The following INSYN2B variants were observed in gnomAD, a reference collection of about 807,000 sequenced individuals.
INSYN2B encodes inhibitory synaptic factor family member 2B.
INSYN2B carries 16 observed loss-of-function variants against 41.2 expected under a neutral mutation model. The observed-to-expected ratio is 0.39, with a 90% confidence interval of 0.26 to 0.59. The LOEUF is 0.59. Ranked by LOEUF, INSYN2B falls within the 20% of genes least tolerant of loss-of-function variation. The probability of loss-of-function intolerance (pLI) is 0.57; values close to 1 mark genes in which losing one functional copy is unlikely to be tolerated. For missense variants in INSYN2B, 608 were observed against 646.4 expected (o/e 0.94, Z 0.64); for synonymous variants, 245 against 244.4 (o/e 1.00, Z -0.02).
At chr5:169,938,377 C>T (rs910349834) in intron 1 of INSYN2B, among the ~76,000 whole-genome samples, 2 of 152,112 alleles carry the variant, frequency 1.3e-5, no homozygotes, top group African/African-American at 4.8e-5. Flanking sequence ...TGTACTCACA[C>T]GAAGCTAGAT....
intron 1 of INSYN2B, among the ~76,000 whole-genome samples, chr5:169,888,756 A>G (rs1773119304): frequency 6.6e-6 from 1 of 152,232 alleles, no homozygotes; most frequent in South Asian, 2.1e-4. Context: ...ATTAAATGAA[A>G]TAATCTATAT....
chr5:169,912,616 A>AGTATAT (rs1554116693), intron 1 of INSYN2B, among the ~76,000 whole-genome samples: 4 of 122,682 alleles, frequency 3.3e-5, no homozygotes, highest in Non-Finnish European at 6.6e-5. Flanking sequence ...TGTGTGGTGG[A>AGTATAT]GTGTATGTGT....
chr5:169,976,610 G>A (rs985701037), intron 1 of INSYN2B, among the ~76,000 whole-genome samples: 1 of 152,222 alleles, frequency 6.6e-6, no homozygotes, highest in African/African-American at 2.4e-5. Flanking sequence ...AAAATTTAAA[G>A]TGATTTCACA....
At chr5:169,880,618 AT>A (rs1190088856) in intron 3 of INSYN2B, among the ~76,000 whole-genome samples, 3 of 152,210 alleles carry the variant, frequency 2.0e-5, no homozygotes, top group African/African-American at 7.2e-5. Flanking sequence ...AAACCCTTGC[AT>A]TTGTTCAGAG....
At chr5:169,926,254 C>T (rs556958762) in intron 1 of INSYN2B, among the ~76,000 whole-genome samples, 17 of 152,330 alleles carry the variant, frequency 1.1e-4, no homozygotes, top group Non-Finnish European at 1.9e-4. Context: ...GATTGTCTCT[C>T]ACCTGCCACC....
intron 1 of INSYN2B, among the ~76,000 whole-genome samples, chr5:169,903,329 AG>A (rs1309423895): frequency 2.8e-5 from 4 of 144,404 alleles, no homozygotes; most frequent in African/African-American, 1.0e-4. Context: ...AAAAAAAAAA[AG>A]GAAAAGGAAA....
At chr5:169,979,147 C>G (rs776818108) in intron 1 of INSYN2B, among the ~76,000 whole-genome samples, 1 of 152,120 alleles carries the variant, frequency 6.6e-6, no homozygotes, top group Non-Finnish European at 1.5e-5. Flanking sequence ...TGCAAGGGGT[C>G]CCTCCACCCC....
chr5:169,894,692 C>T (rs920397385), intron 1 of INSYN2B, among the ~76,000 whole-genome samples: 11 of 152,128 alleles, frequency 7.2e-5, no homozygotes, highest in African/African-American at 2.4e-4. Context: ...GAGTAAACAG[C>T]GTGCCCAGCA....
intron 1 of INSYN2B, among the ~76,000 whole-genome samples, chr5:169,951,545 C>A (rs1038061844): frequency 2.0e-5 from 3 of 152,190 alleles, no homozygotes; most frequent in African/African-American, 4.8e-5. Flanking sequence ...GACATGGACA[C>A]CTGCCTTGGA....
chr5:169,968,808 T>C (rs961192032), intron 1 of INSYN2B, among the ~76,000 whole-genome samples: 1 of 152,104 alleles, frequency 6.6e-6, no homozygotes, highest in Non-Finnish European at 1.5e-5. Context: ...AACACAAAGA[T>C]GGACTGCCCT....
chr5:169,866,072 T>G (rs1215407979), intron 3 of INSYN2B, among the ~76,000 whole-genome samples: 1 of 140,658 alleles, frequency 7.1e-6, no homozygotes, highest in Non-Finnish European at 1.5e-5. Flanking sequence ...GATGGGTTGT[T>G]GCAGGGCTGA....
At chr5:169,880,446 A>G (rs1302835371) in intron 3 of INSYN2B, among the ~76,000 whole-genome samples, 6 of 152,262 alleles carry the variant, frequency 3.9e-5, no homozygotes, top group Non-Finnish European at 8.8e-5. Flanking sequence ...GCCAGTTTTC[A>G]ACAAAAAGAG....
chr5:169,922,287 C>T (rs926715804), intron 1 of INSYN2B, among the ~76,000 whole-genome samples: 3 of 152,136 alleles, frequency 2.0e-5, no homozygotes, highest in Non-Finnish European at 4.4e-5. Flanking sequence ...GATGAAGGCT[C>T]AGAGAAGATG....
chr5:169,964,875 T>A (rs1178298005), intron 1 of INSYN2B, among the ~76,000 whole-genome samples: 3 of 152,244 alleles, frequency 2.0e-5, no homozygotes, highest in African/African-American at 7.2e-5. Context: ...TTAGCTAGTA[T>A]CTGGCACATA....
At chr5:169,866,373 T>C (rs1325881157) in intron 3 of INSYN2B, among the ~76,000 whole-genome samples, 1 of 152,212 alleles carries the variant, frequency 6.6e-6, no homozygotes, top group Non-Finnish European at 1.5e-5. Context: ...TGTGAGATCT[T>C]GGGGAAGTCA....
intron 1 of INSYN2B, among the ~76,000 whole-genome samples, chr5:169,895,182 T>A (rs1773527413): frequency 6.6e-6 from 1 of 152,220 alleles, no homozygotes; most frequent in African/African-American, 2.4e-5. Flanking sequence ...GTTTGCCTAA[T>A]GACAAAGGAT....
chr5:169,951,573 C>T (rs1776667224), intron 1 of INSYN2B, among the ~76,000 whole-genome samples: 4 of 152,226 alleles, frequency 2.6e-5, no homozygotes, highest in Admixed American at 2.6e-4. Context: ...CTGATCAGAC[C>T]AGTGCACCCA....
In INSYN2B at chr5:169,883,094, G is replaced by A; in HGVS notation, c.805C>T (p.Pro269Ser). Residue 269 changes from proline to serine, a missense_variant, in exon 2 of 4, where the codon CCA becomes TCA. Coordinates refer to ENST00000377365, the MANE Select transcript of INSYN2B (RefSeq NM_001129891.3). ...TCAGGTTTAAGTTCCTCTGTGCCTG[G>A]TGTGTGGCTGGCAACGCTGGTGGCA... The part of the protein sequence containing the change: ...LNATSVASHT[P>S]GTEELKPELL... 6.4e-7 allele frequency: 1 copy of A among 1,551,618 alleles called. No homozygotes were observed. The highest frequency in any genetic ancestry group is 8.7e-7 in the Non-Finnish European group (1 of 1,146,946).
At chr5:169,913,447 G>T (rs1263400871) in intron 1 of INSYN2B, among the ~76,000 whole-genome samples, 1 of 152,180 alleles carries the variant, frequency 6.6e-6, no homozygotes, top group Admixed American at 6.5e-5. Context: ...CATTGCCAAG[G>T]AAACTCCCTG....
Sources: gnomAD v4.1 joint callset for allele counts (sites outside exome capture counted in the v4.1 genomes callset) on GRCh38, gnomAD v4.1.1 for gene constraint, MANE v1.5 for transcripts, NCBI Gene and HGNC (gene_info 2026-07-23, HGNC 2026-07-21) for gene names.